MED24: variants seen among roughly 807,000 people sequenced by gnomAD.
The protein encoded by MED24 is mediator of RNA polymerase II transcription subunit 24.
In MED24, 74 loss-of-function variants were observed where a neutral mutation model predicts 118.8. That is an observed-to-expected ratio of 0.62 (90% CI 0.52 to 0.76). MED24 has a LOEUF of 0.76. MED24 is among the 30% of genes least tolerant of loss of function. The pLI, the probability that MED24 is intolerant of heterozygous loss-of-function variation, is 0.00. For missense variants in MED24, 1,041 were observed against 1,278.9 expected (o/e 0.81, Z 2.84); for synonymous variants, 521 against 523.9 (o/e 0.99, Z 0.08).
In MED24 at chr17:40,053,505, G is replaced by T. The variant is rs764382545; in HGVS notation, c.94C>A (p.Pro32Thr). 8.7e-6 allele frequency: 14 copies of T among 1,614,048 alleles called. No homozygotes were observed. The Admixed American group carries it at 1.7e-4, about 19-fold the overall frequency. ...QWAINMKKFF[P>T]KGATWDILNL... is the part of the protein sequence containing the mutation. ...AGAATATCCCAGGTGGCTCCTTTAGGAAAGAATTTCTTCATGTTGATTGCC... is the reference window on the plus strand; with the variant it reads ...AGAATATCCCAGGTGGCTCCTTTAGTAAAGAATTTCTTCATGTTGATTGCC... Residue 32 changes from proline to threonine, a missense_variant, in exon 2 of 26, where the codon CCT (proline) becomes ACT (threonine). Pro to Thr is a conservative substitution (Grantham distance 38). Coordinates refer to ENST00000394128, the MANE Select transcript of MED24 (RefSeq NM_014815.4).
Position 40,019,278 on chromosome 17 carries a change from A to T in MED24, c.*251T>A. ...GCTGGGGCGGGCGCACACAGGGGTG[A>T]CCACTGGGCTTGTGGTCCAGGCTGC... On this transcript the variant is annotated 3_prime_UTR_variant, in exon 26 of 26. Transcript: ENST00000394128. The T allele has an allele frequency of 1.9e-6, 1 of 522,680 alleles. No homozygotes were observed. The highest frequency in any genetic ancestry group is 3.4e-6 in the Non-Finnish European group (1 of 293,948). 32.4% of individuals were successfully genotyped at this position (522,680 alleles called of 1,614,324 possible). A position where few individuals can be genotyped will look rare whatever the true frequency, so the allele number is the denominator to read the frequency against.
intron 15 of MED24, 107 bp from the exon 16 acceptor site, chr17:40,027,572 G>T: frequency 9.5e-7 from 1 of 1,054,154 alleles, no homozygotes; most frequent in Non-Finnish European, 1.4e-6. Flanking sequence ...GGACCAAGTG[G>T]CTCCTTCAAA....
At position 40,033,071 on chromosome 17, in the gene MED24, C is replaced by T; in HGVS notation, c.807G>A (p.Met269Ile). ...CCCCTCCCACCTGCATGCGCTTCAC[C>T]ATCGTCAGCTGCTCCACCAGGGACT... ...ETQSLVEQLTMVKRMQHIPTP... is the reference protein window; with the variant it reads ...ETQSLVEQLTIVKRMQHIPTP... The change falls in exon 8 of 26, where the codon ATG becomes ATA. Residue 269 changes from methionine to isoleucine, a missense_variant. Physicochemically the swap from Met to Ile is conservative, Grantham distance 10. Around this residue, in one of 3 missense-constraint regions of MED24, gnomAD observed 434 missense variants for 514.9 expected, o/e 0.84. Transcript: ENST00000394128. This position sits in a 1 kb window ranked among gnomAD's most constrained non-coding sequence, Gnocchi z 5.2. The T allele has an allele frequency of 6.2e-7, 1 of 1,614,006 alleles. No individual in the cohort carries two copies. The highest frequency in any genetic ancestry group is 8.5e-7 in the Non-Finnish European group (1 of 1,180,034).
chr17:40,048,124 ATTAT>A (rs914202223), intron 3 of MED24, among the ~76,000 whole-genome samples: 9 of 152,236 alleles, frequency 5.9e-5, no homozygotes, highest in African/African-American at 9.6e-5. Flanking sequence ...CCTTTAAATG[ATTAT>A]TTGTCACCCT....
At chr17:40,020,140 C>T in intron 24 of MED24, 133 bp downstream of exon 24, 2 of 1,072,732 alleles carry the variant, frequency 1.9e-6, no homozygotes, top group South Asian at 1.5e-5. Flanking sequence ...GGACAGCCAA[C>T]AATGAGGGGC....
chr17:40,022,115 GAAAA>G (rs951617791), intron 22 of MED24, 61 bp from the exon 23 acceptor site: 17 of 1,337,338 alleles, frequency 1.3e-5, no homozygotes, highest in Non-Finnish European at 1.6e-5. Flanking sequence ...AGCTGTCAGG[GAAAA>G]GAGCTTGAGC....
At chr17:40,047,816 G>A (rs1392167269) in intron 3 of MED24, among the ~76,000 whole-genome samples, 4 of 151,598 alleles carry the variant, frequency 2.6e-5, no homozygotes, top group Non-Finnish European at 4.4e-5. Flanking sequence ...TGCAACCTCC[G>A]CCTCCCAGGT....
Position 40,029,780 on chromosome 17 carries a change from G to A in MED24, c.1234C>T (p.Arg412Trp), listed in dbSNP as rs1442230131. ...ATGTTTGTGACAGTGGGCTCCGCCC[G>A]GAGGATCAGCTGGATGTTGGGCTGG... The part of the protein sequence containing the change: ...NIQPNIQLIL[R>W]AEPTVTNILK... Residue 412 changes from arginine (R) to tryptophan (W), a missense_variant, in exon 13 of 26, where the codon CGG becomes TGG. Around this residue, in one of 3 missense-constraint regions of MED24, gnomAD observed 20 missense variants for 69.6 expected, o/e 0.29. Transcript: ENST00000394128. 1.2e-6 allele frequency: 2 copies of A among 1,614,198 alleles called. No homozygotes were observed. The highest frequency in any genetic ancestry group is 8.5e-7 in the Non-Finnish European group (1 of 1,180,026).
intron 10 of MED24, 128 bp downstream of exon 10, chr17:40,031,915 C>A: frequency 9.2e-7 from 1 of 1,089,516 alleles, no homozygotes; most frequent in Non-Finnish European, 1.4e-6. Context: ...GAAGCACGTG[C>A]ACGCTGAGGT....
At chr17:40,051,943 A>C (rs1825703164) in intron 3 of MED24, among the ~76,000 whole-genome samples, 2 of 151,604 alleles carry the variant, frequency 1.3e-5, no homozygotes, top group African/African-American at 2.4e-5. Flanking sequence ...ACAAACAAAC[A>C]GGCTTTGTGT....
chr17:40,035,326 C>A lies in MED24; in HGVS notation c.350G>T (p.Cys117Phe), dbSNP rs1171592902. 1 of 1,595,636 alleles carries A rather than the reference C, an allele frequency of 6.3e-7. No homozygotes were observed. The highest frequency in any genetic ancestry group is 8.6e-7 in the Non-Finnish European group (1 of 1,166,994). ...AAGAAGGGCTCGGCACAGTCCGATGCATTCCTCTGCTTTGCCGTGACAGCT... is the reference window on the plus strand; with the variant it reads ...AAGAAGGGCTCGGCACAGTCCGATGAATTCCTCTGCTTTGCCGTGACAGCT... The part of the protein sequence containing the change: ...RLSCHGKAEE[C>F]IGLCRALLSA... Residue 117 changes from cysteine (C) to phenylalanine (F), a missense_variant, in exon 6 of 26, where the codon TGC becomes TTC. This residue lies in a region of MED24 where 434 missense variants were observed against 514.9 expected (regional missense o/e 0.84). Transcript: ENST00000394128.
chr17:40,031,851 C>T (rs933580661), intron 10 of MED24, among the ~76,000 whole-genome samples, 192 bp downstream of exon 10: 6 of 146,108 alleles, frequency 4.1e-5, no homozygotes, highest in African/African-American at 1.5e-4. Flanking sequence ...CACGCACACA[C>T]TGAAGCACAC....
At chr17:40,028,785 C>T (rs780022148) in intron 14 of MED24, 41 bp downstream of exon 14, 2 of 1,609,738 alleles carry the variant, frequency 1.2e-6, no homozygotes, top group South Asian at 2.2e-5. Context: ...AACGCGCAGC[C>T]TCCCTGCACG....
At chr17:40,020,111 G>A in intron 24 of MED24, 162 bp downstream of exon 24, 1 of 991,624 alleles carries the variant, frequency 1.0e-6, no homozygotes, top group Non-Finnish European at 1.5e-6. Context: ...GGGGGAACTA[G>A]ACAGGAGCCT....
At chr17:40,049,668 A>G (rs1221386092) in intron 3 of MED24, among the ~76,000 whole-genome samples, 1 of 151,970 alleles carries the variant, frequency 6.6e-6, no homozygotes, top group Non-Finnish European at 1.5e-5. Flanking sequence ...CTGGGATTAC[A>G]GGCACTCGCC....
chr17:40,034,703 C>T (rs982487258), intron 6 of MED24, among the ~76,000 whole-genome samples: 11 of 152,208 alleles, frequency 7.2e-5, no homozygotes, highest in African/African-American at 1.4e-4. Context: ...TGCTTCCAAG[C>T]GATGAGTAAC....
chr17:40,035,598 G>C, intron 5 of MED24, 124 bp downstream of exon 5: 3 of 1,003,536 alleles, frequency 3.0e-6, no homozygotes, highest in Non-Finnish European at 4.4e-6. Flanking sequence ...AGTGTAGATG[G>C]GCAGGTGGGG....
Position 40,033,921 on chromosome 17 carries a change from G to A in MED24, c.560-465C>T, listed in dbSNP as rs1983667268. The A allele has an allele frequency of 1.6e-5, 6 of 364,144 alleles. No individual in the cohort carries two copies. The Admixed American group carries it at 2.1e-4, about 13-fold the overall frequency. 22.6% of individuals were successfully genotyped at this position (364,144 alleles called of 1,614,324 possible). ...ACTCCCTCATCTAGGCATTGCGTTT[G>A]CTGCCCTCCCCTGCTGAAGGCCTCT... On this transcript the variant is annotated intron_variant, in intron 6 of 25. Transcript: ENST00000394128. This position sits in a 1 kb window ranked among gnomAD's most constrained non-coding sequence, Gnocchi z 5.2.
intron 3 of MED24, among the ~76,000 whole-genome samples, chr17:40,045,674 A>G (rs1478004316): frequency 6.6e-6 from 1 of 151,482 alleles, no homozygotes; most frequent in Non-Finnish European, 1.5e-5. Flanking sequence ...AGTCCAAGCT[A>G]CAGGTGCAGG....
Sources: allele counts gnomAD v4.1 joint callset (sites outside exome capture counted in the v4.1 genomes callset), GRCh38; gene constraint gnomAD v4.1.1; regional missense constraint gnomAD v4.1.1; non-coding constraint Gnocchi (gnomAD v3.1); transcripts MANE v1.5; gene names NCBI Gene and HGNC (gene_info 2026-07-23, HGNC 2026-07-21).